Variants in MAPK10 observed in about 807,000 individuals in gnomAD.
MAPK10 encodes JNK3 alpha protein kinase.
Under a neutral mutation model 59.3 loss-of-function variants are expected in MAPK10, and 25 were observed. That is an observed-to-expected ratio of 0.42 (90% CI 0.31 to 0.59). The LOEUF (loss-of-function observed/expected upper bound fraction) is 0.59, where lower values mean the gene tolerates loss of function less well. Among genes scored for constraint, MAPK10 ranks in the 20% least tolerant of loss-of-function variants. The pLI, the probability that MAPK10 is intolerant of heterozygous loss-of-function variation, is 0.15. For missense variants in MAPK10, 351 were observed against 568.9 expected (o/e 0.62, Z 3.90); for synonymous variants, 190 against 200.5 (o/e 0.95, Z 0.44).
At chr4:86,565,171 CTT>C (rs1383547536) in intron 1 of MAPK10, among the ~76,000 whole-genome samples, 2 of 152,142 alleles carry the variant, frequency 1.3e-5, no homozygotes, top group African/African-American at 4.8e-5. Context: ...GCAAATCAAA[CTT>C]ATCTATATAT....
At chr4:86,547,109 A>T (rs996934872) in intron 1 of MAPK10, among the ~76,000 whole-genome samples, 47 of 152,186 alleles carry the variant, frequency 3.1e-4, no homozygotes, top group Non-Finnish European at 2.2e-4. Flanking sequence ...TCAGAAGACT[A>T]GTTATCCTCT....
chr4:86,450,302 A>G (rs1160034887), intron 1 of MAPK10, among the ~76,000 whole-genome samples: 1 of 152,230 alleles, frequency 6.6e-6, no homozygotes, highest in Non-Finnish European at 1.5e-5. Flanking sequence ...CTAAATTTAC[A>G]GTGCTGTCAG....
At chr4:86,372,552 GAAAGAAAGAAAGAAA>G (rs1288278890) in intron 1 of MAPK10, among the ~76,000 whole-genome samples, 7 of 15,574 alleles carry the variant, frequency 4.5e-4, no homozygotes, top group Admixed American at 9.3e-4. Context: ...AAGAAAGAAA[GAAAGAAAGAAAGAAA>G]GAAAAGAAAA....
chr4:86,362,535 C>G (rs1198009362), upstream of MAPK10, among the ~76,000 whole-genome samples: 2 of 151,844 alleles, frequency 1.3e-5, no homozygotes, highest in East Asian at 3.9e-4. Context: ...CTCTTGATAG[C>G]TGAAAATATT....
At chr4:86,196,108 G>A (rs1485049366) in intron 2 of MAPK10, among the ~76,000 whole-genome samples, 3 of 152,098 alleles carry the variant, frequency 2.0e-5, no homozygotes, top group African/African-American at 4.8e-5. Flanking sequence ...TGGGTCAAAT[G>A]GTATTTCTGG....
intron 1 of MAPK10, among the ~76,000 whole-genome samples, chr4:86,466,672 A>C (rs1465048076): frequency 6.6e-6 from 1 of 152,244 alleles, no homozygotes; most frequent in Non-Finnish European, 1.5e-5. Flanking sequence ...TTCACAGAAC[A>C]TGTAGGAGAA....
intron 4 of MAPK10, chr4:86,123,689 T>G (rs2059624846): frequency 6.6e-6 from 1 of 152,072 alleles, no homozygotes; most frequent in Admixed American, 6.6e-5. Context: ...CATTTAATTC[T>G]GCAAATAAAT....
rs75209501 is a variant in MAPK10 at position 86,290,551 on chromosome 4, G to T, written c.-7+63979C>A. On this transcript the variant is annotated intron_variant, in intron 2 of 13. Coordinates refer to ENST00000641462, the MANE Select transcript of MAPK10 (RefSeq NM_138982.4). The stretch of plus-strand genomic sequence containing the variant: ...TCTTTATCATTATGTAATAAACTAG[G>T]TGTTTTACTTATTTATCTTAATTAT... Among the ~76,000 whole-genome samples, 507 of 152,176 alleles carry T rather than the reference G, an allele frequency of 3.3e-3. 2 individuals carry two copies. Among genetic ancestry groups the T allele is most frequent in the African/African-American group, 0.012 (478 of 41,534 alleles).
intron 1 of MAPK10, among the ~76,000 whole-genome samples, chr4:86,421,358 T>G (rs1270170304): frequency 6.6e-6 from 1 of 152,084 alleles, no homozygotes. Context: ...ATAAATTCTC[T>G]AAAAAATAAG....
chr4:86,089,239 T>C lies in MAPK10; in HGVS notation c.802+9285A>G, dbSNP rs762109163. 5 of 1,612,948 alleles carry C rather than the reference T, an allele frequency of 3.1e-6. No individual in the cohort carries two copies. In the African/African-American group the frequency reaches 6.7e-5, roughly 22 times the overall value. On this transcript the variant is annotated intron_variant, in intron 9 of 13. Coordinates refer to ENST00000641462, the MANE Select transcript of MAPK10 (RefSeq NM_138982.4). ...CCAGGAAACAGCACTGCACCTTTTATCATTTCTCCCATGATGCACCCTACT... is the reference window on the plus strand; with the variant it reads ...CCAGGAAACAGCACTGCACCTTTTACCATTTCTCCCATGATGCACCCTACT...
chr4:86,107,327 T>C lies in MAPK10; in HGVS notation c.262A>G (p.Arg88Gly). The C allele has an allele frequency of 6.2e-7, 1 of 1,613,318 alleles. No homozygotes were observed. Among genetic ancestry groups the C allele is most frequent in the Non-Finnish European group, 8.5e-7 (1 of 1,179,460 alleles). The stretch of plus-strand genomic sequence containing the variant: ...CTGAGCTTCTTAATGGCCACATTTC[T>C]GTCAAGGACAGCATCATACGCGGCA... ...VCAAYDAVLD[R>G]NVAIKKLSRP... Residue 88 changes from arginine (R) to glycine (G), a missense_variant, in exon 5 of 14, where the codon AGA (arginine) becomes GGA (glycine). By Grantham distance (125) the Arg-to-Gly change is moderately radical. This residue lies in a region of MAPK10 where 51 missense variants were observed against 72.7 expected (regional missense o/e 0.70). Transcript: ENST00000641462.
intron 2 of MAPK10, among the ~76,000 whole-genome samples, chr4:86,320,913 A>C (rs892307874): frequency 1.1e-4 from 16 of 152,210 alleles, no homozygotes; most frequent in African/African-American, 3.4e-4. Flanking sequence ...CCCCATCAAA[A>C]AGTGGGTGAA....
At chr4:86,287,539 C>T (rs988539875) in intron 2 of MAPK10, among the ~76,000 whole-genome samples, 1 of 152,188 alleles carries the variant, frequency 6.6e-6, no homozygotes, top group Non-Finnish European at 1.5e-5. Context: ...CTTTAACACA[C>T]ATTTCAAAGC....
intron 3 of MAPK10, among the ~76,000 whole-genome samples, chr4:86,180,815 TAAA>T (rs905228498): frequency 3.3e-5 from 5 of 151,760 alleles, no homozygotes; most frequent in African/African-American, 7.3e-5. Flanking sequence ...CTCATAGAAA[TAAA>T]AAGTAGAACA....
intron 1 of MAPK10, among the ~76,000 whole-genome samples, chr4:86,500,078 G>T (rs906883577): frequency 6.6e-6 from 1 of 152,122 alleles, no homozygotes; most frequent in African/African-American, 2.4e-5. Context: ...TCCTATCTGT[G>T]TTACTAGCAA....
chr4:86,235,747 G>A (rs1214050726), intron 2 of MAPK10, among the ~76,000 whole-genome samples: 10 of 152,196 alleles, frequency 6.6e-5, no homozygotes, highest in Admixed American at 6.5e-4. Context: ...GAGCTGTGGG[G>A]ACCGGGCGCC....
At chr4:86,183,373 A>G (rs1249547225) in intron 3 of MAPK10, among the ~76,000 whole-genome samples, 1 of 143,042 alleles carries the variant, frequency 7.0e-6, no homozygotes, top group East Asian at 2.1e-4. Flanking sequence ...CCCATCTATG[A>G]GTGAGAACAT....
chr4:86,504,810 T>C (rs1755604024), intron 1 of MAPK10, among the ~76,000 whole-genome samples: 1 of 152,142 alleles, frequency 6.6e-6, no homozygotes, highest in Admixed American at 6.5e-5. Flanking sequence ...ACATGATGAC[T>C]GGCTGGGGTG....
intron 1 of MAPK10, among the ~76,000 whole-genome samples, chr4:86,509,233 C>A (rs1016187590): frequency 2.0e-5 from 3 of 152,072 alleles, no homozygotes; most frequent in Non-Finnish European, 2.9e-5. Flanking sequence ...AACCTAGACA[C>A]CTTTTGGAAA....
Sources: gnomAD v4.1 joint callset for allele counts (sites outside exome capture counted in the v4.1 genomes callset) on GRCh38, gnomAD v4.1.1 for gene constraint, gnomAD v4.1.1 regional missense constraint, MANE v1.5 for transcripts, NCBI Gene and HGNC (gene_info 2026-07-23, HGNC 2026-07-21) for gene names.